SLC26A4: variants seen among roughly 807,000 people sequenced by gnomAD.
The protein encoded by SLC26A4 is solute carrier family 26 member 4, also known as pendrin.
A neutral mutation model predicts 90.4 loss-of-function variants in SLC26A4; 93 were observed. That is an observed-to-expected ratio of 1.03 (90% CI 0.87 to 1.22). The LOEUF (loss-of-function observed/expected upper bound fraction) is 1.22. SLC26A4 is among the 50% of genes most tolerant of loss of function. SLC26A4 has a pLI of 0.00. For missense variants in SLC26A4, 1,127 were observed against 946.2 expected (o/e 1.19, Z -2.51); for synonymous variants, 393 against 354.6 (o/e 1.11, Z -1.22).
chr7:107,676,314 G>C (rs540209875), intron 6 of SLC26A4, among the ~76,000 whole-genome samples: 111 of 152,280 alleles, frequency 7.3e-4, no homozygotes, highest in African/African-American at 2.6e-3. Context: ...ATTATTTCAA[G>C]CCATCTTTTC....
At chr7:107,666,249 T>C (rs1244899276) in intron 3 of SLC26A4, among the ~76,000 whole-genome samples, 1 of 152,170 alleles carries the variant, frequency 6.6e-6, no homozygotes, top group Non-Finnish European at 1.5e-5. Flanking sequence ...TGAGACAGGG[T>C]CTTGCTCTGT....
At chr7:107,695,528 G>A (rs1283303664) in intron 12 of SLC26A4, among the ~76,000 whole-genome samples, 1 of 152,148 alleles carries the variant, frequency 6.6e-6, no homozygotes, top group Non-Finnish European at 1.5e-5. Context: ...CTGTGATTTG[G>A]CCAGGCACAG....
chr7:107,684,037 A>G (rs925155016), intron 8 of SLC26A4, among the ~76,000 whole-genome samples: 3 of 152,208 alleles, frequency 2.0e-5, no homozygotes, highest in African/African-American at 7.2e-5. Flanking sequence ...TTAGAAGAGT[A>G]AAAGATCAAG....
chr7:107,691,108 T>TACACACACACACACACACAC (rs113420862), intron 10 of SLC26A4, among the ~76,000 whole-genome samples: 5 of 141,402 alleles, frequency 3.5e-5, no homozygotes, highest in South Asian at 2.4e-4. Flanking sequence ...CATAGTGCAA[T>TACACACACACACACACACAC]ACACACACAC....
chr7:107,661,574 C>T lies in SLC26A4; in HGVS notation c.-3-65C>T. ...GTGATCCCGTTCTTTCTGTTCCTCG[C>T]TCTTCCCCTCCGATCGTCCTCGCTT... On this transcript the variant is annotated intron_variant, in intron 1 of 20. Transcript: ENST00000644269. The surrounding 1 kb of genome is among the most constrained non-coding windows in gnomAD (Gnocchi z 5.1). 1 of 1,493,932 alleles carries T rather than the reference C, an allele frequency of 6.7e-7. No homozygotes were observed. Among genetic ancestry groups the T allele is most frequent in the Non-Finnish European group, 9.0e-7 (1 of 1,108,254 alleles). 92.5% of individuals were successfully genotyped at this position (1,493,932 alleles called of 1,614,324 possible). A position where few individuals can be genotyped will look rare whatever the true frequency, so the allele number is the denominator to read the frequency against.
chr7:107,661,363 G>T lies in SLC26A4; in HGVS notation c.-3-276G>T. ...GGGTGGAACTCGGGAAGCCCCCAGA[G>T]CAGGGGCTTACTCGCTTCAAGTTTG... On this transcript the variant is annotated intron_variant, in intron 1 of 20. Transcript: ENST00000644269. The surrounding 1 kb of genome is among the most constrained non-coding windows in gnomAD (Gnocchi z 5.1). The T allele has an allele frequency of 1.8e-6, 1 of 562,430 alleles. No individual in the cohort carries two copies. Among genetic ancestry groups the T allele is most frequent in the South Asian group, 2.0e-5 (1 of 49,690 alleles). 34.8% of individuals were successfully genotyped at this position (562,430 alleles called of 1,614,324 possible). A position where few individuals can be genotyped will look rare whatever the true frequency, so the allele number is the denominator to read the frequency against.
rs1392600408 is a variant in SLC26A4 at position 107,674,200 on chromosome 7, T to C, written c.452T>C (p.Val151Ala). The C allele has an allele frequency of 6.2e-7, 1 of 1,614,198 alleles. No individual in the cohort carries two copies. Among genetic ancestry groups the C allele is most frequent in the South Asian group, 1.1e-5 (1 of 91,084 alleles). ...FPVVSLMVGS[V>A]VLSMAPDEHF... ...GTGGTGAGTTTAATGGTGGGATCTG[T>C]TGTTCTGAGCATGGCCCCCGACGAA... Residue 151 changes from valine to alanine, a missense_variant, in exon 5 of 21, where the codon GTT (valine) becomes GCT (alanine). Val to Ala is a moderately conservative substitution (Grantham distance 64, BLOSUM62 0). Transcript: ENST00000644269.
chr7:107,662,098 A>C (rs565659414), intron 2 of SLC26A4: 14 of 502,778 alleles, frequency 2.8e-5, no homozygotes, highest in Non-Finnish European at 4.9e-5. Context: ...GGAAACTTGG[A>C]GTGCCTCTTG....
At position 107,693,774 on chromosome 7, in the gene SLC26A4, G is replaced by A. The variant is rs1791648929; in HGVS notation, c.1264-629G>A. The A allele has an allele frequency of 6.4e-6, 6 of 943,736 alleles. No individual in the cohort carries two copies. In the South Asian group the frequency reaches 2.3e-4, roughly 36 times the overall value. The allele number at this position is 943,736 out of a possible 1,614,324, so 58.5% of individuals were successfully genotyped here. A position where few individuals can be genotyped will look rare whatever the true frequency, so the allele number is the denominator to read the frequency against. ...AGTCACTGTTTCAGGCTGCCTTGGG[G>A]CAAAGCTCTGAGCCTGCCTCCGTGG... On this transcript the variant is annotated intron_variant, in intron 10 of 20. Coordinates refer to ENST00000644269, the MANE Select transcript of SLC26A4 (RefSeq NM_000441.2).
rs967786786 is a variant in SLC26A4 at position 107,715,686 on chromosome 7, G to T, written c.*240G>T. The T allele has an allele frequency of 1.8e-6, 1 of 563,928 alleles. No individual in the cohort carries two copies. Among genetic ancestry groups the T allele is most frequent in the Non-Finnish European group, 3.2e-6 (1 of 315,764 alleles). 34.9% of individuals were successfully genotyped at this position (563,928 alleles called of 1,614,324 possible). The stretch of plus-strand genomic sequence containing the variant: ...CCAGGGTAAGCTGGTGTTATAATAC[G>T]CTGCTGATCTACATCACAGATTTGC... On this transcript the variant is annotated 3_prime_UTR_variant, in exon 21 of 21. Coordinates refer to ENST00000644269, the MANE Select transcript of SLC26A4 (RefSeq NM_000441.2).
At chr7:107,687,954 G>A (rs1465182489) in intron 8 of SLC26A4, among the ~76,000 whole-genome samples, 2 of 152,176 alleles carry the variant, frequency 1.3e-5, no homozygotes, top group Non-Finnish European at 2.9e-5. Flanking sequence ...GGTAGGATGG[G>A]ATATAAGGAG....
At chr7:107,702,111 G>C in intron 17 of SLC26A4, 54 bp downstream of exon 17, 1 of 1,163,640 alleles carries the variant, frequency 8.6e-7, no homozygotes, top group Non-Finnish European at 1.3e-6. Flanking sequence ...ATAGTAAAAT[G>C]ATGTGGGTTG....
At chr7:107,680,373 A>T (rs1791196021) in intron 6 of SLC26A4, among the ~76,000 whole-genome samples, 1 of 142,506 alleles carries the variant, frequency 7.0e-6, no homozygotes, top group South Asian at 2.1e-4. Context: ...TTATCTTATT[A>T]TATAATGTTA....
chr7:107,673,530 TA>T (rs1203697180), intron 4 of SLC26A4, among the ~76,000 whole-genome samples: 2 of 152,134 alleles, frequency 1.3e-5, no homozygotes, highest in Non-Finnish European at 2.9e-5. Context: ...ATGTATGTGC[TA>T]CCTTTGCCAG....
intron 6 of SLC26A4, among the ~76,000 whole-genome samples, chr7:107,677,737 C>T (rs1220559295): frequency 1.3e-5 from 2 of 151,724 alleles, no homozygotes; most frequent in East Asian, 1.9e-4. Flanking sequence ...TCATGAGTAG[C>T]TGGAACTACA....
intron 18 of SLC26A4, among the ~76,000 whole-genome samples, chr7:107,706,669 C>T (rs2129319244): frequency 6.6e-6 from 1 of 152,310 alleles, no homozygotes; most frequent in Non-Finnish European, 1.5e-5. Context: ...ATTCTGTGCA[C>T]ATTTTCAAAT....
chr7:107,707,446 A>G (rs992092092), intron 18 of SLC26A4, among the ~76,000 whole-genome samples: 2 of 152,214 alleles, frequency 1.3e-5, no homozygotes, highest in East Asian at 3.8e-4. Context: ...GCACTTTAGA[A>G]TTATAATGGC....
intron 20 of SLC26A4, among the ~76,000 whole-genome samples, chr7:107,714,064 G>A (rs761125341): frequency 2.7e-5 from 4 of 146,706 alleles, no homozygotes; most frequent in East Asian, 2.0e-4. Flanking sequence ...GATTACAGGC[G>A]CTCGCCACCA....
chr7:107,669,433 TGGAAGTTTGAGAA>T (rs1406642101), intron 3 of SLC26A4, among the ~76,000 whole-genome samples: 1 of 152,178 alleles, frequency 6.6e-6, no homozygotes, highest in Admixed American at 6.5e-5. Context: ...TTTGGGGAAA[TGGAAGTTTGAGAA>T]GGACTTGAAA....
Sources: allele counts gnomAD v4.1 joint callset (sites outside exome capture counted in the v4.1 genomes callset), GRCh38; gene constraint gnomAD v4.1.1; non-coding constraint Gnocchi (gnomAD v3.1); transcripts MANE v1.5; gene names NCBI Gene and HGNC (gene_info 2026-07-23, HGNC 2026-07-21).